Variants in MORN3 observed in about 807,000 individuals in gnomAD.
The protein encoded by MORN3 is MORN repeat-containing protein 3.
A neutral mutation model predicts 34.7 loss-of-function variants in MORN3; 38 were observed. The observed-to-expected ratio is 1.10, with a 90% CI of 0.85 to 1.44. MORN3 has a LOEUF of 1.44. Ranked by LOEUF, MORN3 falls within the 40% of genes most tolerant of loss-of-function variation. The pLI, the probability that MORN3 is intolerant of heterozygous loss-of-function variation, is 0.00. For synonymous variants in MORN3, 109 were observed against 115.3 expected (o/e 0.95, Z 0.35); for missense variants, 311 against 321.7 (o/e 0.97, Z 0.25).
chr12:121,654,447 G>GTT lies in MORN3; in HGVS notation c.304-15_304-14insAA. 1 of 1,573,988 alleles carries GTT rather than the reference G, an allele frequency of 6.4e-7. No homozygotes were observed. Among genetic ancestry groups the GTT allele is most frequent in the Non-Finnish European group, 8.6e-7 (1 of 1,158,574 alleles). On this transcript the variant is annotated splice_polypyrimidine_tract_variant and intron_variant, in intron 2 of 5. Coordinates refer to ENST00000355329, the MANE Select transcript of MORN3 (RefSeq NM_173855.5). ...GATCCCATAACCCTGAAAGTACGAA[G>GTT]ATGCTACTACTCAGGGCGCCCCCCA...
chr12:121,652,405 T>C (rs1893278434), intron 5 of MORN3, among the ~76,000 whole-genome samples: 1 of 152,088 alleles, frequency 6.6e-6, no homozygotes, highest in East Asian at 1.9e-4. Context: ...GGCTAACTTT[T>C]ATATTTTTAG....
rs1166934064 is a variant in MORN3, at chr12:121,669,455, G to A, written c.29C>T (p.Ser10Leu). Residue 10 changes from serine (S) to leucine (L), a missense_variant, in exon 1 of 6, where the codon TCG becomes TTG. Transcript: ENST00000355329. MPVSKCPKKSESLWKGWDRK... is the reference protein window; with the variant it reads MPVSKCPKKLESLWKGWDRK... Reference sequence around the variant, plus strand: ...GTCCCACCCCTTCCACAGGGACTCCGACTTTTTTGGGCACTTAGAGACTGG... The same window carrying A: ...GTCCCACCCCTTCCACAGGGACTCCAACTTTTTTGGGCACTTAGAGACTGG... 1.3e-5 allele frequency: 21 copies of A among 1,613,816 alleles called. No homozygotes were observed. Among genetic ancestry groups the A allele is most frequent in the South Asian group, 6.6e-5 (6 of 91,084 alleles).
At position 121,660,916 on chromosome 12, in the gene MORN3, G is replaced by A. The variant is rs566736963; in HGVS notation, c.146-1568C>T. On this transcript the variant is annotated intron_variant, in intron 1 of 5. Transcript: ENST00000355329. ...ACTCCCGACCTTAGGTGATCTGTCC[G>A]CCTCGGCTTCCCAAAGTGCTAGGAT... Among the ~76,000 whole-genome samples, 15 of 151,940 alleles carry A rather than the reference G, an allele frequency of 9.9e-5. 1 individual carries two copies. The South Asian group carries it at 2.9e-3, about 29-fold the overall frequency.
chr12:121,659,413 C>T (rs1893514654), intron 1 of MORN3, 65 bp from the exon 2 acceptor site: 1 of 1,585,336 alleles, frequency 6.3e-7, no homozygotes. Flanking sequence ...GGTGTGCCTG[C>T]CTGAGCCTCA....
intron 1 of MORN3, among the ~76,000 whole-genome samples, chr12:121,661,627 G>A (rs568303434): frequency 6.6e-6 from 1 of 152,072 alleles, no homozygotes; most frequent in Non-Finnish European, 1.5e-5. Flanking sequence ...CTGTAACCCA[G>A]CAGTTTGGGA....
intron 1 of MORN3, among the ~76,000 whole-genome samples, chr12:121,669,122 T>C (rs1893866934): frequency 6.6e-6 from 1 of 152,204 alleles, no homozygotes; most frequent in African/African-American, 2.4e-5. Context: ...TGTCCACTGC[T>C]GGTCCTGAGA....
At chr12:121,671,429 A>G (rs1190875621), upstream of MORN3, among the ~76,000 whole-genome samples, 1 of 151,916 alleles carries the variant, frequency 6.6e-6, no homozygotes, top group Non-Finnish European at 1.5e-5. Context: ...AATTAGAAGA[A>G]TGGAGACTTT....
chr12:121,653,485 G>T (rs1366774692), intron 3 of MORN3, among the ~76,000 whole-genome samples: 1 of 151,294 alleles, frequency 6.6e-6, no homozygotes, highest in South Asian at 2.1e-4. Flanking sequence ...TGCACCTATA[G>T]TCCCAGCTAC....
intron 1 of MORN3, among the ~76,000 whole-genome samples, chr12:121,668,409 C>T (rs1408909616): frequency 1.3e-5 from 2 of 152,094 alleles, no homozygotes; most frequent in Non-Finnish European, 2.9e-5. Flanking sequence ...GGCGTGGTGG[C>T]ACATGCCTGT....
At chr12:121,665,330 GC>G (rs1161713397) in intron 1 of MORN3, among the ~76,000 whole-genome samples, 2 of 106,022 alleles carry the variant, frequency 1.9e-5, no homozygotes, top group Non-Finnish European at 3.4e-5. Context: ...TCGCTCTGTC[GC>G]CCAGGCTGGA....
chr12:121,654,108 G>A (rs1893330542), intron 3 of MORN3, among the ~76,000 whole-genome samples, 166 bp downstream of exon 3: 1 of 151,988 alleles, frequency 6.6e-6, no homozygotes, highest in African/African-American at 2.4e-5. Flanking sequence ...TTGTGACTGA[G>A]GGGAGAGATA....
chr12:121,668,482 G>A (rs909569240), intron 1 of MORN3, among the ~76,000 whole-genome samples: 32 of 152,204 alleles, frequency 2.1e-4, no homozygotes, highest in Admixed American at 1.5e-3. Flanking sequence ...TAGAGGTTGC[G>A]GTGAGCCAAG....
At chr12:121,660,499 C>A (rs542185966) in intron 1 of MORN3, among the ~76,000 whole-genome samples, 66 of 150,100 alleles carry the variant, frequency 4.4e-4, no homozygotes, top group African/African-American at 1.4e-3. Flanking sequence ...TACAGGTGCC[C>A]GCCACCATGC....
At chr12:121,662,760 G>A (rs777868169) in intron 1 of MORN3, among the ~76,000 whole-genome samples, 2 of 147,620 alleles carry the variant, frequency 1.4e-5, no homozygotes, top group South Asian at 2.2e-4. Context: ...AAAAAAAAAC[G>A]CCGGGCATGA....
In MORN3 at chr12:121,669,396, C is replaced by A. The variant is rs754705276; in HGVS notation, c.88G>T (p.Val30Leu). ...KAQRNGLRSQ[V>L]YAVNGDYYVG... is the part of the protein sequence containing the mutation. ...TAGTAGTCGCCATTCACAGCGTATA[C>A]CTGGCTCCGCAGGCCGTTCCTCTGG... Residue 30 changes from valine to leucine, a missense_variant, in exon 1 of 6, where the codon GTA becomes TTA. Physicochemically the swap from Val to Leu is conservative, Grantham distance 32. Coordinates refer to ENST00000355329, the MANE Select transcript of MORN3 (RefSeq NM_173855.5). The A allele has an allele frequency of 1.9e-6, 3 of 1,614,128 alleles. No homozygotes were observed. In the South Asian group the frequency reaches 3.3e-5, roughly 18 times the overall value.
intron 1 of MORN3, among the ~76,000 whole-genome samples, chr12:121,665,266 T>C (rs1483701323): frequency 6.8e-6 from 1 of 147,540 alleles, no homozygotes; most frequent in Non-Finnish European, 1.5e-5. Flanking sequence ...TCTCGCGTTT[T>C]CTTTTTCTTT....
Position 121,659,162 on chromosome 12 carries a change from C to A in MORN3, c.303+29G>T, listed in dbSNP as rs780319252. 8.7e-6 allele frequency: 14 copies of A among 1,607,754 alleles called. No individual in the cohort carries two copies. The African/African-American group carries it at 1.5e-4, about 17-fold the overall frequency. On this transcript the variant is annotated intron_variant, in intron 2 of 5. Transcript: ENST00000355329. ...GCACACACACACACACACACACACA[C>A]ACACACCCCGGCTGGCAGGCCTGCT...
At chr12:121,654,578 G>C in intron 2 of MORN3, 145 bp from the exon 3 acceptor site, 6 of 862,340 alleles carry the variant, frequency 7.0e-6, no homozygotes, top group Non-Finnish European at 8.7e-6. Flanking sequence ...TCGTGTCTTA[G>C]CGGAGTATCC....
chr12:121,663,313 C>T (rs1465341840), intron 1 of MORN3, among the ~76,000 whole-genome samples: 1 of 151,462 alleles, frequency 6.6e-6, no homozygotes, highest in Admixed American at 6.6e-5. Flanking sequence ...ATTCTCCTGT[C>T]TCAGCCTCCT....
Sources: gnomAD v4.1 joint callset for allele counts (sites outside exome capture counted in the v4.1 genomes callset) on GRCh38, gnomAD v4.1.1 for gene constraint, MANE v1.5 for transcripts, NCBI Gene and HGNC (gene_info 2026-07-23, HGNC 2026-07-21) for gene names.